ESF1: variants seen among roughly 807,000 people sequenced by gnomAD.
ESF1 encodes the protein ESF1 nucleolar pre-rRNA processing protein.
A neutral mutation model predicts 92.0 loss-of-function variants in ESF1; 58 were observed. That is an observed-to-expected ratio of 0.63 (90% CI 0.51 to 0.78). The LOEUF is 0.78. Ranked by LOEUF, ESF1 falls within the 30% of genes least tolerant of loss-of-function variation. The pLI, the probability that ESF1 is intolerant of heterozygous loss-of-function variation, is 0.00. For missense variants in ESF1, 922 were observed against 989.1 expected, an observed-to-expected ratio of 0.93 and a Z score of 0.91; for synonymous variants, 321 against 313.7, an observed-to-expected ratio of 1.02 and a Z score of -0.24.
intron 11 of ESF1, among the ~76,000 whole-genome samples, chr20:13,727,196 T>C (rs892162328): frequency 2.0e-5 from 3 of 152,246 alleles, no homozygotes; most frequent in Admixed American, 1.3e-4. Context: ...TTCTCCATTA[T>C]AAAGTTGGTT....
At chr20:13,724,139 A>G (rs1182453603) in intron 11 of ESF1, among the ~76,000 whole-genome samples, 1 of 152,140 alleles carries the variant, frequency 6.6e-6, no homozygotes, top group Admixed American at 6.5e-5. Context: ...TACTAAAAAT[A>G]CAAAAATTAG....
intron 10 of ESF1, among the ~76,000 whole-genome samples, chr20:13,733,428 C>T (rs2049956393): frequency 6.6e-6 from 1 of 152,166 alleles, no homozygotes; most frequent in Non-Finnish European, 1.5e-5. Flanking sequence ...CAGAATCATA[C>T]TGCTTATATC....
At chr20:13,744,336 C>A (rs1490124441) in intron 9 of ESF1, among the ~76,000 whole-genome samples, 1 of 152,162 alleles carries the variant, frequency 6.6e-6, no homozygotes, top group African/African-American at 2.4e-5. Flanking sequence ...ATGAAGAACT[C>A]CTAGGAATCA....
chr20:13,774,780 T>C (rs1979849162), intron 4 of ESF1, among the ~76,000 whole-genome samples: 1 of 152,224 alleles, frequency 6.6e-6, no homozygotes, highest in Admixed American at 6.5e-5. Flanking sequence ...AGGTCATTTG[T>C]GTTTATTAAG....
At chr20:13,781,050 C>T (rs1980162950) in intron 2 of ESF1, among the ~76,000 whole-genome samples, 1 of 152,162 alleles carries the variant, frequency 6.6e-6, no homozygotes, top group African/African-American at 2.4e-5. Flanking sequence ...GTAGTGCGTC[C>T]CCTATGAATT....
intron 7 of ESF1, among the ~76,000 whole-genome samples, chr20:13,768,944 CTAAG>C (rs1979559362): frequency 6.6e-6 from 1 of 151,432 alleles, no homozygotes; most frequent in African/African-American, 2.4e-5. Flanking sequence ...AGGTAGTCAC[CTAAG>C]TAATAAACTA....
In ESF1 at chr20:13,759,800, CCTT is replaced by C. The variant is rs146733330; in HGVS notation, c.1717_1719del (p.Lys573del). On this transcript the variant is annotated inframe_deletion, in exon 9 of 14. Transcript: ENST00000617257. ...TATTTAGCAATTTGTTCTTCATCATCCTTCTGACTTTTCTTTGTTTTCCCATCT... is the reference window on the plus strand; with the variant it reads ...TATTTAGCAATTTGTTCTTCATCATCCTGACTTTTCTTTGTTTTCCCATCT... 2.1e-3 allele frequency: 3,384 copies of C among 1,596,618 alleles called. 85 individuals are homozygous for C. In the East Asian group the frequency reaches 0.061, roughly 29 times the overall value.
At chr20:13,722,109 A>G (rs1438086585) in intron 11 of ESF1, among the ~76,000 whole-genome samples, 1 of 152,186 alleles carries the variant, frequency 6.6e-6, no homozygotes, top group Non-Finnish European at 1.5e-5. Flanking sequence ...TAATATTTAA[A>G]GCAGATAAAG....
At chr20:13,718,303 A>T (rs930780145) in intron 12 of ESF1, among the ~76,000 whole-genome samples, 3 of 152,196 alleles carry the variant, frequency 2.0e-5, no homozygotes, top group Non-Finnish European at 4.4e-5. Flanking sequence ...AGTCAGGCAC[A>T]CTTCTGGACA....
intron 6 of ESF1, among the ~76,000 whole-genome samples, chr20:13,770,261 T>C (rs1337469641): frequency 6.6e-6 from 1 of 152,236 alleles, no homozygotes; most frequent in Non-Finnish European, 1.5e-5. Flanking sequence ...GCTGTATAGA[T>C]AGAAATCGTG....
intron 10 of ESF1, among the ~76,000 whole-genome samples, chr20:13,732,873 C>A (rs1232454440): frequency 6.6e-6 from 1 of 151,948 alleles, no homozygotes; most frequent in Non-Finnish European, 1.5e-5. Context: ...ATATTGTCCA[C>A]AGAAACCACA....
At chr20:13,724,169 C>A (rs2049886094) in intron 11 of ESF1, among the ~76,000 whole-genome samples, 1 of 152,140 alleles carries the variant, frequency 6.6e-6, no homozygotes. Flanking sequence ...GTGGCACACA[C>A]CTGTAGTCCC....
At position 13,782,853 on chromosome 20, in the gene ESF1, CTTCT is replaced by C. The variant is rs1568732581; in HGVS notation, c.284_287del (p.Lys95ArgfsTer15). 2 of 1,598,096 alleles carry C rather than the reference CTTCT, an allele frequency of 1.3e-6. No individual in the cohort carries two copies. The highest frequency in any genetic ancestry group is 1.7e-6 in the Non-Finnish European group (2 of 1,176,180). On this transcript the variant is annotated frameshift_variant, in exon 2 of 14. Transcript: ENST00000617257. LOFTEE classifies it high-confidence loss of function. Reference sequence around the variant, plus strand: ...TTTCTTTTTTAGTCTGGGTTTTTTTCTTCTTTATTTTCTTTTGACTCAATGCTTT... The same window carrying C: ...TTTCTTTTTTAGTCTGGGTTTTTTTCTTATTTTCTTTTGACTCAATGCTTT...
At chr20:13,750,796 T>C (rs192121679) in intron 9 of ESF1, among the ~76,000 whole-genome samples, 8 of 152,202 alleles carry the variant, frequency 5.3e-5, no homozygotes, top group African/African-American at 1.2e-4. Context: ...CTGAGCAATG[T>C]AGTAAGAGCC....
intron 9 of ESF1, among the ~76,000 whole-genome samples, chr20:13,740,326 T>C (rs6042327): frequency 0.15 from 23,306 of 151,876 alleles, 2,251 homozygotes; most frequent in East Asian, 0.42. Flanking sequence ...ATACAAAATA[T>C]ATATCAGCAC....
In ESF1 at chr20:13,771,399, T is replaced by C; in HGVS notation, c.1335A>G (p.Thr445=). Residue 445 remains threonine (T), a synonymous_variant, in exon 6 of 14, where the codon ACA becomes ACG. Transcript: ENST00000617257. ...YAVVDCDSPE[T]ASKIYEDCDG... The stretch of plus-strand genomic sequence containing the variant: ...CACAATCCTCATAAATTTTACTAGC[T>C]GTTTCCGGAGAATCACAGTCTACTA... The C allele has an allele frequency of 6.2e-7, 1 of 1,613,114 alleles. No homozygotes were observed. Among genetic ancestry groups the C allele is most frequent in the Admixed American group, 1.7e-5 (1 of 60,020 alleles).
At chr20:13,748,587 TATATA>T (rs1410311334) in intron 9 of ESF1, among the ~76,000 whole-genome samples, 2,122 of 59,732 alleles carry the variant, frequency 0.036, 104 homozygotes, top group African/African-American at 0.11. Context: ...TATATATATA[TATATA>T]TTTTTTTTTT....
intron 13 of ESF1, among the ~76,000 whole-genome samples, chr20:13,716,541 AATG>A (rs1194352628): frequency 1.3e-5 from 2 of 152,260 alleles, no homozygotes; most frequent in Non-Finnish European, 2.9e-5. Flanking sequence ...CCAAAGAAAC[AATG>A]ATTTCATCCA....
At position 13,764,204 on chromosome 20, in the gene ESF1, T is replaced by C. The variant is rs531239577; in HGVS notation, c.1666+2573A>G. Among the ~76,000 whole-genome samples, 203 of 152,380 alleles carry C rather than the reference T, an allele frequency of 1.3e-3. 1 individual carries two copies. Among genetic ancestry groups the C allele is most frequent in the African/African-American group, 4.6e-3 (190 of 41,598 alleles). On this transcript the variant is annotated intron_variant, in intron 8 of 13. Transcript: ENST00000617257. ...TACTTTTATCTATGTTTAACATTTATGGGTTCTTCACTTTCTGTCAGCATT... is the reference window on the plus strand; with the variant it reads ...TACTTTTATCTATGTTTAACATTTACGGGTTCTTCACTTTCTGTCAGCATT...
Sources: gnomAD v4.1 joint callset for allele counts (sites outside exome capture counted in the v4.1 genomes callset) on GRCh38, gnomAD v4.1.1 for gene constraint, MANE v1.5 for transcripts, NCBI Gene and HGNC (gene_info 2026-07-23, HGNC 2026-07-21) for gene names.